Variants in BLTP3A observed in about 807,000 individuals in gnomAD.
BLTP3A encodes ICBP90 binding protein 1.
the BLTP3A span, among the ~76,000 whole-genome samples, chr6:34,798,636 T>A: frequency 7.6e-6 from 1 of 131,212 alleles, no homozygotes; most frequent in Non-Finnish European, 1.6e-5. Context: ...GTAAACAAGA[T>A]AGGTATTTTA....
the BLTP3A span, chr6:34,856,396 T>G: frequency 1.9e-6 from 3 of 1,613,906 alleles, no homozygotes; most frequent in South Asian, 3.3e-5. Context: ...ACTCTCTCTT[T>G]CGGAGAAAAG....
chr6:34,860,408 G>A, the BLTP3A span, among the ~76,000 whole-genome samples: 1 of 152,152 alleles, frequency 6.6e-6, no homozygotes, highest in Non-Finnish European at 1.5e-5. Context: ...GTGGTTTAGA[G>A]ACCATGGTAT....
At chr6:34,798,579 TAA>T in the BLTP3A span, among the ~76,000 whole-genome samples, 1,719 of 149,806 alleles carry the variant, frequency 0.011, 18 homozygotes, top group Middle Eastern at 0.021. Context: ...AATGTATTTT[TAA>T]TTTTCTTTCT....
chr6:34,797,481 T>C, the BLTP3A span, among the ~76,000 whole-genome samples: 5 of 152,246 alleles, frequency 3.3e-5, no homozygotes, highest in South Asian at 2.1e-4. Context: ...CAGCCTCCAG[T>C]TGATAGTAGG....
At chr6:34,806,822 G>C in the BLTP3A span, among the ~76,000 whole-genome samples, 1 of 152,106 alleles carries the variant, frequency 6.6e-6, no homozygotes, top group African/African-American at 2.4e-5. Context: ...ACCACGCCCG[G>C]CTAATTTTTG....
At chr6:34,856,695 T>C in the BLTP3A span, 4 of 1,481,288 alleles carry the variant, frequency 2.7e-6, no homozygotes, top group African/African-American at 2.8e-5. Flanking sequence ...TTCCTACATA[T>C]AACATTAATG....
At chr6:34,808,141 C>T in the BLTP3A span, among the ~76,000 whole-genome samples, 2 of 151,640 alleles carry the variant, frequency 1.3e-5, no homozygotes, top group East Asian at 1.9e-4. Context: ...GTCAGAAGTG[C>T]GAGACCAGCC....
At chr6:34,851,550 C>A in the BLTP3A span, among the ~76,000 whole-genome samples, 1 of 152,204 alleles carries the variant, frequency 6.6e-6, no homozygotes, top group African/African-American at 2.4e-5. Context: ...ATGGCCACCA[C>A]CACTGGTATT....
chr6:34,859,532 C>A, the BLTP3A span: 1 of 1,614,052 alleles, frequency 6.2e-7, no homozygotes, highest in African/African-American at 1.3e-5. Flanking sequence ...GATCGAATGA[C>A]CTCCACCATG....
At chr6:34,822,413 A>G in the BLTP3A span, among the ~76,000 whole-genome samples, 2 of 152,038 alleles carry the variant, frequency 1.3e-5, no homozygotes, top group East Asian at 1.9e-4. Flanking sequence ...TAATTTTTAT[A>G]TTTTTAATAG....
chr6:34,833,378 A>G, the BLTP3A span, among the ~76,000 whole-genome samples: 1 of 150,760 alleles, frequency 6.6e-6, no homozygotes. Context: ...TTTTCTTACC[A>G]CTACTTATGC....
At chr6:34,849,891 A>G in the BLTP3A span, among the ~76,000 whole-genome samples, 1 of 152,168 alleles carries the variant, frequency 6.6e-6, no homozygotes, top group African/African-American at 2.4e-5. Flanking sequence ...TAATAATCCC[A>G]GCACTTTGGG....
At chr6:34,871,436 G>C in the BLTP3A span, 2 of 767,588 alleles carry the variant, frequency 2.6e-6, no homozygotes, top group Non-Finnish European at 4.2e-6. Flanking sequence ...ATCTCTAGAT[G>C]GGAGAATCTG....
the BLTP3A span, among the ~76,000 whole-genome samples, chr6:34,815,407 G>A: frequency 6.6e-5 from 10 of 151,592 alleles, no homozygotes; most frequent in African/African-American, 2.4e-4. Flanking sequence ...GTGTCACCAT[G>A]CCTGGCTAAT....
At chr6:34,835,194 G>A in the BLTP3A span, 1 of 1,275,718 alleles carries the variant, frequency 7.8e-7, no homozygotes. Flanking sequence ...TCACATATTG[G>A]AGATTGAAAA....
chr6:34,867,122 C>T, the BLTP3A span: 5 of 1,258,188 alleles, frequency 4.0e-6, no homozygotes, highest in Non-Finnish European at 5.3e-6. Context: ...TCATGAATGT[C>T]ATAAGTATTT....
the BLTP3A span, chr6:34,867,564 C>T: frequency 1.9e-6 from 3 of 1,613,924 alleles, no homozygotes; most frequent in Non-Finnish European, 2.5e-6. Context: ...AACTGACCCT[C>T]CAGCAGCTGG....
chr6:34,841,349 G>A, the BLTP3A span, among the ~76,000 whole-genome samples: 36 of 152,230 alleles, frequency 2.4e-4, no homozygotes, highest in East Asian at 3.1e-3. Flanking sequence ...GATTACAGGC[G>A]TGAGCCACTG....
At chr6:34,877,079 G>A in the BLTP3A span, 1 of 152,574 alleles carries the variant, frequency 6.6e-6, no homozygotes, top group South Asian at 2.1e-4. Flanking sequence ...ATTTATTTGT[G>A]GAATGCCCCA....
Sources: gnomAD v4.1 joint callset for allele counts (sites outside exome capture counted in the v4.1 genomes callset) on GRCh38, gnomAD v4.1.1 for gene constraint, MANE v1.5 for transcripts, NCBI Gene and HGNC (gene_info 2026-07-23, HGNC 2026-07-21) for gene names.